The following CNTNAP5 variants were observed in gnomAD, a reference collection of about 807,000 sequenced individuals.
CNTNAP5 encodes the protein contactin-associated protein-like 5.
Under a neutral mutation model 150.2 loss-of-function variants are expected in CNTNAP5, and 72 were observed. That is an observed-to-expected ratio of 0.48 (90% CI 0.40 to 0.58). The LOEUF is 0.58. Among genes scored for constraint, CNTNAP5 ranks in the 20% least tolerant of loss-of-function variants. CNTNAP5 has a pLI of 0.00. For missense variants in CNTNAP5, 1,636 were observed against 1,626.2 expected (o/e 1.01, Z -0.10); for synonymous variants, 672 against 619.8 (o/e 1.08, Z -1.25).
intron 10 of CNTNAP5, among the ~76,000 whole-genome samples, chr2:124,530,197 C>T (rs1695071074): frequency 6.6e-6 from 1 of 152,100 alleles, no homozygotes; most frequent in African/African-American, 2.4e-5. Flanking sequence ...GTAATCTCAG[C>T]TACTTGGGAG....
chr2:124,052,850 C>T (rs1486743469), intron 1 of CNTNAP5, among the ~76,000 whole-genome samples: 1 of 152,212 alleles, frequency 6.6e-6, no homozygotes, highest in Non-Finnish European at 1.5e-5. Context: ...CAGTTCCCTG[C>T]CCACATGTCA....
At chr2:124,470,542 C>A (rs577881534) in intron 6 of CNTNAP5, among the ~76,000 whole-genome samples, 13 of 152,160 alleles carry the variant, frequency 8.5e-5, no homozygotes, top group Non-Finnish European at 1.9e-4. Flanking sequence ...AAAATAGTTT[C>A]TTTTGCTGTG....
At chr2:124,073,402 C>T (rs1682360190) in intron 1 of CNTNAP5, among the ~76,000 whole-genome samples, 1 of 151,996 alleles carries the variant, frequency 6.6e-6, no homozygotes, top group African/African-American at 2.4e-5. Flanking sequence ...GCAAATGAAA[C>T]AATTAACAAA....
intron 1 of CNTNAP5, among the ~76,000 whole-genome samples, chr2:124,217,062 C>T (rs963824944): frequency 9.9e-5 from 15 of 152,008 alleles, no homozygotes; most frequent in Admixed American, 6.6e-5. Flanking sequence ...AGAAAAGACC[C>T]ATGAAAAAGC....
chr2:124,328,139 A>T (rs1172323847), intron 3 of CNTNAP5, among the ~76,000 whole-genome samples: 6 of 151,096 alleles, frequency 4.0e-5, no homozygotes, highest in African/African-American at 1.5e-4. Flanking sequence ...GTCCTACAAC[A>T]CATTTTTTTT....
chr2:124,232,469 G>T (rs1686648791), intron 2 of CNTNAP5, among the ~76,000 whole-genome samples: 1 of 152,024 alleles, frequency 6.6e-6, no homozygotes, highest in Non-Finnish European at 1.5e-5. Flanking sequence ...CATGAGTTTA[G>T]GTTTACTGAA....
chr2:124,882,434 G>C (rs1677982717), intron 21 of CNTNAP5, among the ~76,000 whole-genome samples: 1 of 152,076 alleles, frequency 6.6e-6, no homozygotes, highest in Non-Finnish European at 1.5e-5. Context: ...CAGAACAATT[G>C]ATCTTTAAAG....
At position 124,764,080 on chromosome 2, in the gene CNTNAP5, C is replaced by T. The variant is rs761073960; in HGVS notation, c.2466C>T (p.Thr822=). 9.3e-6 allele frequency: 15 copies of T among 1,613,108 alleles called. No homozygotes were observed. In the Middle Eastern group the frequency reaches 5.0e-4, roughly 53 times the overall value. The part of the protein sequence containing the change: ...FSADISFFFK[T]TALSGVFLEN... ...CCGATATTTCCTTCTTTTTTAAAAC[C>T]ACAGCATTATCCGGAGTTTTCCTAG... Residue 822 remains threonine, a synonymous_variant, in exon 16 of 24, where the codon ACC becomes ACT. Transcript: ENST00000682447.
chr2:124,713,243 C>CTTTCTTTCTTTCTTTCTT (rs1280851827), intron 13 of CNTNAP5, among the ~76,000 whole-genome samples: 2 of 65,160 alleles, frequency 3.1e-5, no homozygotes, highest in African/African-American at 5.8e-5. Flanking sequence ...TTCTTTCTTT[C>CTTTCTTTCTTTCTTTCTT]TCTTTCTTTC....
chr2:124,732,861 C>T (rs1337708755), intron 13 of CNTNAP5, among the ~76,000 whole-genome samples: 1 of 152,074 alleles, frequency 6.6e-6, no homozygotes, highest in Non-Finnish European at 1.5e-5. Flanking sequence ...TGTTTTCAAA[C>T]ACAAAAATTC....
At chr2:124,342,431 G>A (rs1466208636) in intron 3 of CNTNAP5, among the ~76,000 whole-genome samples, 4 of 152,122 alleles carry the variant, frequency 2.6e-5, no homozygotes, top group Admixed American at 1.3e-4. Context: ...TGGCAGCCCC[G>A]TGAACCGTGT....
At chr2:124,571,520 CTTTTTTCTTTTT>C (rs1457103849) in intron 11 of CNTNAP5, among the ~76,000 whole-genome samples, 1 of 53,524 alleles carries the variant, frequency 1.9e-5, no homozygotes, top group African/African-American at 6.4e-5. Context: ...ACTTTTTTTT[CTTTTTTCTTTTT>C]TTTTTTTTTT....
At chr2:124,319,419 A>G (rs981407090) in intron 3 of CNTNAP5, among the ~76,000 whole-genome samples, 1 of 152,216 alleles carries the variant, frequency 6.6e-6, no homozygotes, top group Non-Finnish European at 1.5e-5. Context: ...TTCTGGTCAC[A>G]TGAAGAAAAG....
chr2:124,272,008 C>T (rs551961906), intron 3 of CNTNAP5, among the ~76,000 whole-genome samples: 1 of 152,240 alleles, frequency 6.6e-6, no homozygotes, highest in South Asian at 2.1e-4. Context: ...AGCCACTGTG[C>T]CTGGCCTAAT....
chr2:124,408,611 C>G (rs1266599570), intron 3 of CNTNAP5, among the ~76,000 whole-genome samples: 1 of 151,784 alleles, frequency 6.6e-6, no homozygotes, highest in Non-Finnish European at 1.5e-5. Context: ...GAGGCACCCC[C>G]CAGCAGGGGG....
At chr2:124,349,230 G>A (rs1381435484) in intron 3 of CNTNAP5, among the ~76,000 whole-genome samples, 2 of 152,184 alleles carry the variant, frequency 1.3e-5, no homozygotes, top group East Asian at 3.8e-4. Context: ...GCTGTACGAT[G>A]TAGCCTGTTG....
chr2:124,619,370 G>T (rs1677561706), intron 12 of CNTNAP5, among the ~76,000 whole-genome samples: 2 of 152,118 alleles, frequency 1.3e-5, no homozygotes, highest in Non-Finnish European at 2.9e-5. Context: ...GAAAGAGCAG[G>T]TCACAGTAAC....
intron 1 of CNTNAP5, among the ~76,000 whole-genome samples, chr2:124,145,903 G>C (rs1684241260): frequency 6.7e-6 from 1 of 148,800 alleles, no homozygotes; most frequent in African/African-American, 2.5e-5. Flanking sequence ...ATTGAAATGT[G>C]ATACATGTTG....
chr2:124,240,830 A>C (rs2104765435), intron 2 of CNTNAP5, among the ~76,000 whole-genome samples: 1 of 152,284 alleles, frequency 6.6e-6, no homozygotes. Flanking sequence ...CTCTGTCTGC[A>C]TTGCAGTCCT....
Sources: allele counts gnomAD v4.1 joint callset (sites outside exome capture counted in the v4.1 genomes callset), GRCh38; gene constraint gnomAD v4.1.1; transcripts MANE v1.5; gene names NCBI Gene and HGNC (gene_info 2026-07-23, HGNC 2026-07-21).